The following IKZF1 variants were observed in gnomAD, a reference collection of about 807,000 sequenced individuals.
The protein encoded by IKZF1 is IKAROS family zinc finger 1.
IKZF1 carries 10 observed loss-of-function variants against 51.7 expected under a neutral mutation model. The ratio of observed to expected loss-of-function variants is 0.19; its 90% CI spans 0.12 to 0.33. IKZF1 has a LOEUF of 0.33. IKZF1 is among the 10% of genes least tolerant of loss of function. IKZF1 has a pLI of 1.00. For synonymous variants in IKZF1, 280 were observed against 282.3 expected, an observed-to-expected ratio of 0.99 and a Z score of 0.08; for missense variants, 484 against 707.5, an observed-to-expected ratio of 0.68 and a Z score of 3.58.
chr7:50,327,892 A>C, intron 3 of IKZF1, 135 bp downstream of exon 3: 1 of 1,043,840 alleles, frequency 9.6e-7, no homozygotes, highest in Non-Finnish European at 1.4e-6. Flanking sequence ...AATATGGCAC[A>C]AAGATCAGCA....
At chr7:50,307,590 G>A (rs2153321929) in intron 1 of IKZF1, among the ~76,000 whole-genome samples, 2 of 152,254 alleles carry the variant, frequency 1.3e-5, no homozygotes, top group Non-Finnish European at 1.5e-5. Context: ...TTTCATATTT[G>A]TGCTGAATAA....
intron 7 of IKZF1, among the ~76,000 whole-genome samples, chr7:50,395,171 G>C (rs2153508626): frequency 6.6e-6 from 1 of 152,290 alleles, no homozygotes; most frequent in Non-Finnish European, 1.5e-5. Flanking sequence ...AATATTAAAA[G>C]TAGAAAAGTA....
chr7:50,331,575 A>C (rs1796451296), intron 3 of IKZF1, among the ~76,000 whole-genome samples: 1 of 152,248 alleles, frequency 6.6e-6, no homozygotes, highest in African/African-American at 2.4e-5. Flanking sequence ...AGACAAATCT[A>C]ATCTCAACAA....
chr7:50,377,284 G>C (rs74415985), intron 4 of IKZF1: 1 of 154,922 alleles, frequency 6.5e-6, no homozygotes, highest in Non-Finnish European at 1.4e-5. Context: ...CAGCAAAATC[G>C]AGTTTTCAGA....
intron 3 of IKZF1, among the ~76,000 whole-genome samples, chr7:50,356,981 T>C (rs1803612680): frequency 6.6e-6 from 1 of 151,790 alleles, no homozygotes; most frequent in African/African-American, 2.4e-5. Flanking sequence ...GGTGGTGCTC[T>C]AAAACCTAGA....
At chr7:50,351,451 G>A (rs1033351634) in intron 3 of IKZF1, among the ~76,000 whole-genome samples, 1 of 152,000 alleles carries the variant, frequency 6.6e-6, no homozygotes. Flanking sequence ...CTACTTTCCC[G>A]GCAGCAGGAC....
chr7:50,396,319 G>A (rs1816696521), intron 7 of IKZF1, among the ~76,000 whole-genome samples: 1 of 151,922 alleles, frequency 6.6e-6, no homozygotes, highest in African/African-American at 2.4e-5. Context: ...TTAATTTTTA[G>A]TAGTTCCTGT....
intron 3 of IKZF1, among the ~76,000 whole-genome samples, chr7:50,349,184 A>G (rs1801185015): frequency 6.6e-6 from 1 of 152,174 alleles, no homozygotes. Context: ...GTTGCCACCA[A>G]AAGATCAACT....
intron 3 of IKZF1, among the ~76,000 whole-genome samples, chr7:50,365,357 G>A (rs1472438350): frequency 1.3e-5 from 2 of 152,132 alleles, no homozygotes; most frequent in Non-Finnish European, 2.9e-5. Flanking sequence ...AAACTAATAG[G>A]TACAGCTATA....
At chr7:50,322,786 C>T (rs1024780122) in intron 2 of IKZF1, among the ~76,000 whole-genome samples, 3 of 152,138 alleles carry the variant, frequency 2.0e-5, no homozygotes, top group Non-Finnish European at 4.4e-5. Context: ...ACCTCTACCT[C>T]CCACGATGGG....
upstream of IKZF1, chr7:50,304,214 T>G (rs1280368374): frequency 6.7e-6 from 1 of 148,892 alleles, no homozygotes; most frequent in Non-Finnish European, 1.5e-5. Context: ...TGGCCCGGAG[T>G]TGCGGCTGAG....
intron 3 of IKZF1, among the ~76,000 whole-genome samples, chr7:50,333,372 C>T (rs1290051146): frequency 1.3e-5 from 2 of 151,944 alleles, no homozygotes; most frequent in African/African-American, 2.4e-5. Context: ...CAGTCCTCTA[C>T]ACTCTGGGAG....
Position 50,400,696 on chromosome 7 carries a change from G to T in IKZF1, c.*69G>T. 5 of 1,503,410 alleles carry T rather than the reference G, an allele frequency of 3.3e-6. No homozygotes were observed. Among genetic ancestry groups the T allele is most frequent in the Middle Eastern group, 2.0e-4 (1 of 5,112 alleles). The allele number at this position is 1,503,410 out of a possible 1,614,324, so 93.1% of individuals were successfully genotyped here. The stretch of plus-strand genomic sequence containing the variant: ...AAAGCACAAGGACTGCCGCCTTCTC[G>T]CTCCCGCCAGCAGCATAGACTGGAC... On this transcript the variant is annotated 3_prime_UTR_variant, in exon 8 of 8. Coordinates refer to ENST00000331340, the MANE Select transcript of IKZF1 (RefSeq NM_006060.6). This position sits in a 1 kb window ranked among gnomAD's most constrained non-coding sequence, Gnocchi z 5.4.
Position 50,312,111 on chromosome 7 carries a change from A to G in IKZF1, c.-14-6937A>G, listed in dbSNP as rs1050895457. On this transcript the variant is annotated intron_variant, in intron 1 of 7. Coordinates refer to ENST00000331340, the MANE Select transcript of IKZF1 (RefSeq NM_006060.6). ...GCATGAAGGTCCTCTGAAATCGGTA[A>G]GAGGGCAGAAGAAAATGATTCTAAA... Among the ~76,000 whole-genome samples, 4 of 152,220 alleles carry G rather than the reference A, an allele frequency of 2.6e-5. No individual in the cohort carries two copies. In the South Asian group the frequency reaches 8.3e-4, roughly 32 times the overall value.
rs951803455 is a variant in IKZF1, at chr7:50,367,754, C to A, written c.161-8779C>A. 2.7e-5 allele frequency: 12 copies of A among 452,316 alleles called. No individual in the cohort carries two copies. The Admixed American group carries it at 3.6e-4, about 13-fold the overall frequency. 28.0% of individuals were successfully genotyped at this position (452,316 alleles called of 1,614,324 possible). ...GCACCCTCTAAGATGTTGAACCCAT[C>A]AGTAATTGCTCCAAACCACTTTATG... On this transcript the variant is annotated intron_variant, in intron 3 of 7. Coordinates refer to ENST00000331340, the MANE Select transcript of IKZF1 (RefSeq NM_006060.6).
rs1329228756 is a variant in IKZF1, at chr7:50,404,087, T to C, written c.*3460T>C. 2 of 215,548 alleles carry C rather than the reference T, an allele frequency of 9.3e-6. No homozygotes were observed. The highest frequency in any genetic ancestry group is 1.4e-4 in the East Asian group (2 of 14,562). The allele number at this position is 215,548 out of a possible 1,614,324, so 13.4% of individuals were successfully genotyped here. A position where few individuals can be genotyped will look rare whatever the true frequency, so the allele number is the denominator to read the frequency against. The stretch of plus-strand genomic sequence containing the variant: ...CAGAAAAAAGAAGCACATAATGCTT[T>C]TGGTGCGATGGCACTCACTGTGAAC... On this transcript the variant is annotated 3_prime_UTR_variant, in exon 8 of 8. Coordinates refer to ENST00000331340, the MANE Select transcript of IKZF1 (RefSeq NM_006060.6).
intron 4 of IKZF1, among the ~76,000 whole-genome samples, chr7:50,381,058 A>G (rs1469416954): frequency 2.0e-5 from 3 of 152,222 alleles, no homozygotes; most frequent in Non-Finnish European, 4.4e-5. Flanking sequence ...TTGGCCTATA[A>G]TTGAACATCA....
intron 3 of IKZF1, among the ~76,000 whole-genome samples, chr7:50,371,935 C>G (rs1055870700): frequency 2.0e-5 from 3 of 152,220 alleles, no homozygotes; most frequent in African/African-American, 4.8e-5. Flanking sequence ...GGGAAAACCC[C>G]AGAAACCTTT....
In IKZF1 at chr7:50,402,583, G is replaced by A; in HGVS notation, c.*1956G>A. On this transcript the variant is annotated 3_prime_UTR_variant, in exon 8 of 8. Coordinates refer to ENST00000331340, the MANE Select transcript of IKZF1 (RefSeq NM_006060.6). ...GAAAAAAAATAGAAAAGCACTTGAA[G>A]AATATTCCCAATATTCCCGGTCAGC... 1 of 232,282 alleles carries A rather than the reference G, an allele frequency of 4.3e-6. No individual in the cohort carries two copies. The allele number at this position is 232,282 out of a possible 1,614,324, so 14.4% of individuals were successfully genotyped here. A position where few individuals can be genotyped will look rare whatever the true frequency, so the allele number is the denominator to read the frequency against.
Sources: gnomAD v4.1 joint callset for allele counts (sites outside exome capture counted in the v4.1 genomes callset) on GRCh38, gnomAD v4.1.1 for gene constraint, Gnocchi (gnomAD v3.1) non-coding constraint, MANE v1.5 for transcripts, NCBI Gene and HGNC (gene_info 2026-07-23, HGNC 2026-07-21) for gene names.